The following INTS8 variants were observed in gnomAD, a reference collection of about 807,000 sequenced individuals.
The protein encoded by INTS8 is protein kaonashi-1.
INTS8 carries 47 observed loss-of-function variants against 138.9 expected under a neutral mutation model. The observed-to-expected ratio is 0.34, with a 90% CI of 0.27 to 0.43. The LOEUF is 0.43. Ranked by LOEUF, INTS8 falls within the 20% of genes least tolerant of loss-of-function variation. The pLI, the probability that INTS8 is intolerant of heterozygous loss-of-function variation, is 1.00. For missense variants in INTS8, 996 were observed against 1,173.0 expected, an observed-to-expected ratio of 0.85 and a Z score of 2.20; for synonymous variants, 392 against 400.9, an observed-to-expected ratio of 0.98 and a Z score of 0.27.
chr8:94,826,457 G>A (rs1814507930), intron 2 of INTS8, among the ~76,000 whole-genome samples: 1 of 152,028 alleles, frequency 6.6e-6, no homozygotes, highest in Admixed American at 6.6e-5. Flanking sequence ...TTTTTAATCT[G>A]AGCAGGGGAA....
intron 12 of INTS8, among the ~76,000 whole-genome samples, chr8:94,850,673 G>A (rs7009086): frequency 0.036 from 5,455 of 151,272 alleles, 107 homozygotes; most frequent in African/African-American, 0.044. Context: ...ACTGCTGCCA[G>A]TATGTTCATG....
In INTS8 at chr8:94,880,618, T is replaced by TAATA; in HGVS notation, c.*385_*388dup. 2.7e-6 allele frequency: 1 copy of TAATA among 367,062 alleles called. No homozygotes were observed. Among genetic ancestry groups the TAATA allele is most frequent in the Non-Finnish European group, 4.8e-6 (1 of 208,046 alleles). The allele number at this position is 367,062 out of a possible 1,614,324, so 22.7% of individuals were successfully genotyped here. A position where few individuals can be genotyped will look rare whatever the true frequency, so the allele number is the denominator to read the frequency against. On this transcript the variant is annotated 3_prime_UTR_variant, in exon 27 of 27. Transcript: ENST00000523731. ...AGATTTCTAGGAGTCAGTATATATTTAATACTCTTCTTCCTTAAGAAAATA... is the reference window on the plus strand; with the variant it reads ...AGATTTCTAGGAGTCAGTATATATTTAATAAATACTCTTCTTCCTTAAGAAAATA...
chr8:94,829,485 C>T (rs73269199), intron 5 of INTS8, among the ~76,000 whole-genome samples: 27,607 of 152,036 alleles, frequency 0.18, 2,622 homozygotes, highest in Middle Eastern at 0.27. Context: ...GGCCATAATG[C>T]GAGCGATGGG....
chr8:94,860,242 G>C (rs1255884159), intron 16 of INTS8: 1 of 151,606 alleles, frequency 6.6e-6, no homozygotes, highest in African/African-American at 2.4e-5. Flanking sequence ...TACACACTCT[G>C]AGTAAGTAGT....
Position 94,827,392 on chromosome 8 carries a change from C to G in INTS8, c.435C>G (p.Leu145=), listed in dbSNP as rs1273260072. Residue 145 remains leucine (L), a synonymous_variant, in exon 3 of 27, where the codon CTC becomes CTG. Coordinates refer to ENST00000523731, the MANE Select transcript of INTS8 (RefSeq NM_017864.4). ...CGACCACTGCCATGGCTGTACTTCT[C>G]TATAATAGATGGTAAATGTTTTCAT... is the stretch of plus-strand genomic sequence containing the variant. The part of the protein sequence containing the change: ...LPPTTAMAVL[L]YNRWAIRTIV... 1 of 1,614,012 alleles carries G rather than the reference C, an allele frequency of 6.2e-7. No homozygotes were observed. Among genetic ancestry groups the G allele is most frequent in the African/African-American group, 1.3e-5 (1 of 74,938 alleles).
At chr8:94,855,962 G>A (rs1815731500) in intron 14 of INTS8, among the ~76,000 whole-genome samples, 1 of 152,176 alleles carries the variant, frequency 6.6e-6, no homozygotes, top group Non-Finnish European at 1.5e-5. Flanking sequence ...TTGGAGAATG[G>A]TCTGGACTGG....
At chr8:94,848,367 G>A (rs770964748) in intron 10 of INTS8, among the ~76,000 whole-genome samples, 33 of 152,014 alleles carry the variant, frequency 2.2e-4, no homozygotes, top group Middle Eastern at 3.2e-3. Flanking sequence ...TACAGTTCAC[G>A]CATTTAAAGT....
At chr8:94,841,343 T>A (rs1220966017) in intron 8 of INTS8, 148 bp from the exon 9 acceptor site, 3 of 468,130 alleles carry the variant, frequency 6.4e-6, no homozygotes, top group Non-Finnish European at 1.1e-5. Context: ...AATCAAATTT[T>A]AGAATTTTAG....
chr8:94,849,380 GT>G, intron 10 of INTS8, 81 bp from the exon 11 acceptor site: 4 of 795,620 alleles, frequency 5.0e-6, no homozygotes, highest in Middle Eastern at 2.6e-4. Flanking sequence ...AAATTCAGTT[GT>G]TTTTAAATCC....
intron 20 of INTS8, among the ~76,000 whole-genome samples, chr8:94,869,817 AGTATTACCTCTGTG>A (rs1816327008): frequency 6.6e-6 from 1 of 151,986 alleles, no homozygotes; most frequent in South Asian, 2.1e-4. Flanking sequence ...TAGCCTCTGT[AGTATTACCTCTGTG>A]GCCTAAGTTT....
intron 6 of INTS8, among the ~76,000 whole-genome samples, chr8:94,832,678 G>A (rs62523068): frequency 3.3e-5 from 5 of 150,866 alleles, no homozygotes; most frequent in Admixed American, 2.0e-4. Flanking sequence ...TTTTTGAGAC[G>A]GAGTCTTGCT....
intron 26 of INTS8, 63 bp from the exon 27 acceptor site, chr8:94,880,055 C>T (rs2131088532): frequency 1.8e-6 from 2 of 1,104,928 alleles, no homozygotes; most frequent in East Asian, 4.8e-5. Flanking sequence ...CTTTATATTA[C>T]TTGTACCAAC....
chr8:94,825,374 G>A (rs1199894667), intron 2 of INTS8, among the ~76,000 whole-genome samples: 1 of 151,580 alleles, frequency 6.6e-6, no homozygotes, highest in Non-Finnish European at 1.5e-5. Flanking sequence ...TGAGGTTGCA[G>A]TGAGCCGAGA....
chr8:94,856,208 C>T (rs1815739589), intron 14 of INTS8, among the ~76,000 whole-genome samples: 1 of 152,176 alleles, frequency 6.6e-6, no homozygotes. Flanking sequence ...ATTAAAAGAT[C>T]TTTGGCTTGT....
chr8:94,823,322 G>A lies in INTS8; in HGVS notation c.-110G>A, dbSNP rs1814347614. 3.3e-6 allele frequency: 5 copies of A among 1,518,426 alleles called. No individual in the cohort carries two copies. The highest frequency in any genetic ancestry group is 1.7e-4 in the Middle Eastern group (1 of 5,896). 94.1% of individuals were successfully genotyped at this position (1,518,426 alleles called of 1,614,324 possible). A position where few individuals can be genotyped will look rare whatever the true frequency, so the allele number is the denominator to read the frequency against. On this transcript the variant is annotated 5_prime_UTR_variant, in exon 1 of 27. Transcript: ENST00000523731. ...ATTGTGTGAGTTTCCGGGACGTTCG[G>A]AGGGTGGCCTCTCTCCCACCGGGTT...
intron 9 of INTS8, 134 bp from the exon 10 acceptor site, chr8:94,842,213 A>G: frequency 2.0e-6 from 1 of 493,060 alleles, no homozygotes; most frequent in South Asian, 4.4e-5. Flanking sequence ...GTATATATTT[A>G]TTGGTATGCT....
intron 26 of INTS8, among the ~76,000 whole-genome samples, chr8:94,878,362 C>G (rs1816642034): frequency 6.6e-6 from 1 of 152,154 alleles, no homozygotes; most frequent in African/African-American, 2.4e-5. Context: ...TTGAGATATA[C>G]CAGTGAAGAC....
intron 12 of INTS8, among the ~76,000 whole-genome samples, chr8:94,851,043 A>T (rs1815524481): frequency 6.6e-6 from 1 of 152,230 alleles, no homozygotes; most frequent in Non-Finnish European, 1.5e-5. Context: ...GAAATGCTGG[A>T]AATGCATTAT....
chr8:94,848,692 T>C (rs185676567), intron 10 of INTS8, among the ~76,000 whole-genome samples: 1 of 152,312 alleles, frequency 6.6e-6, no homozygotes, highest in East Asian at 1.9e-4. Context: ...ATATACTGTA[T>C]TTTGTGTGTT....
Sources: allele counts gnomAD v4.1 joint callset (sites outside exome capture counted in the v4.1 genomes callset), GRCh38; gene constraint gnomAD v4.1.1; transcripts MANE v1.5; gene names NCBI Gene and HGNC (gene_info 2026-07-23, HGNC 2026-07-21).